The following RDM1 variants were observed in gnomAD, a reference collection of about 807,000 sequenced individuals.
RDM1 encodes RAD52 motif-containing protein 1.
RDM1 carries 28 observed loss-of-function variants against 27.7 expected under a neutral mutation model. The observed-to-expected ratio is 1.01, with a 90% confidence interval of 0.75 to 1.39. RDM1 has a LOEUF of 1.39. Among genes scored for constraint, RDM1 ranks in the 40% most tolerant of loss-of-function variants. The pLI, the probability that RDM1 is intolerant of heterozygous loss-of-function variation, is 0.00. For missense variants in RDM1, 277 were observed against 337.3 expected (o/e 0.82, Z 1.40); for synonymous variants, 124 against 127.5 (o/e 0.97, Z 0.19).
chr17:35,927,033 T>G (rs904391757), intron 2 of RDM1, among the ~76,000 whole-genome samples: 1 of 143,106 alleles, frequency 7.0e-6, no homozygotes, highest in Non-Finnish European at 1.5e-5. Context: ...CCAGGAAGCT[T>G]CAGAAAAACT....
rs2089295132 is a variant in RDM1 at position 35,930,671 on chromosome 17, C to T, written c.57G>A (p.Val19=). The change falls in exon 1 of 7, where the codon GTG becomes GTA. Residue 19 remains valine, a synonymous_variant. Coordinates refer to ENST00000620284, the MANE Select transcript of RDM1 (RefSeq NM_145654.4). ...VPIESDKTLL[V]WELSSGPTAE... ...CCGTGGGTCCGGAGCTCAGCTCCCA[C>T]ACTAGCAAGGTTTTGTCACTCTCGA... 6.2e-7 allele frequency: 1 copy of T among 1,613,966 alleles called. No homozygotes were observed. Among genetic ancestry groups the T allele is most frequent in the South Asian group, 1.1e-5 (1 of 91,086 alleles).
rs551943618 is a variant in RDM1 at position 35,929,529 on chromosome 17, C to A, written c.276+547G>T. Reference sequence around the variant, plus strand: ...CAATCTCGGGTCACTGCAGCCTCCACCTCCTGGGTTCAAGTAATTCCCATG... The same window carrying A: ...CAATCTCGGGTCACTGCAGCCTCCAACTCCTGGGTTCAAGTAATTCCCATG... On this transcript the variant is annotated intron_variant, in intron 2 of 6. Coordinates refer to ENST00000620284, the MANE Select transcript of RDM1 (RefSeq NM_145654.4). Among the ~76,000 whole-genome samples the A allele has an allele frequency of 7.2e-5, 11 of 152,278 alleles. No individual in the cohort carries two copies. In the East Asian group the frequency reaches 2.1e-3, roughly 29 times the overall value.
chr17:35,925,477 G>C, intron 3 of RDM1, 38 bp downstream of exon 3: 1 of 1,608,472 alleles, frequency 6.2e-7, no homozygotes, highest in South Asian at 1.1e-5. Context: ...ATGTTGAAAG[G>C]AGAGTGTGGT....
intron 5 of RDM1, among the ~76,000 whole-genome samples, chr17:35,920,574 C>T (rs1174331186): frequency 1.3e-5 from 2 of 151,662 alleles, no homozygotes; most frequent in Admixed American, 6.6e-5. Flanking sequence ...ATCCCCCTGG[C>T]TCACCCTCCA....
chr17:35,921,401 A>C (rs2088939279), intron 5 of RDM1, among the ~76,000 whole-genome samples: 1 of 152,358 alleles, frequency 6.6e-6, no homozygotes, highest in East Asian at 1.9e-4. Context: ...TCAGTCTCTA[A>C]GCCTTTAGGG....
At chr17:35,924,397 C>G (rs4796136) in intron 4 of RDM1, among the ~76,000 whole-genome samples, 2 of 151,880 alleles carry the variant, frequency 1.3e-5, no homozygotes. Context: ...GTCAGCTGTA[C>G]GATTTTAAAT....
At position 35,928,763 on chromosome 17, in the gene RDM1, TA is replaced by T. The variant is rs1184019323; in HGVS notation, c.276+1312del. ...GGCAACAAGAGCGAAACTCTGTCTTTAAAAAAAAAAAAAGTAAATATATAAT... is the reference window on the plus strand; with the variant it reads ...GGCAACAAGAGCGAAACTCTGTCTTTAAAAAAAAAAAAGTAAATATATAAT... On this transcript the variant is annotated intron_variant, in intron 2 of 6. Transcript: ENST00000620284. Among the ~76,000 whole-genome samples the T allele has an allele frequency of 2.6e-3, 338 of 129,140 alleles. 1 individual carries two copies. Among genetic ancestry groups the T allele is most frequent in the Admixed American group, 4.4e-3 (55 of 12,478 alleles). 84.7% of individuals were successfully genotyped at this position (129,140 alleles called of 152,430 possible).
intron 6 of RDM1, 70 bp from the exon 7 acceptor site, chr17:35,918,513 CG>C: frequency 3.8e-6 from 5 of 1,309,630 alleles, no homozygotes; most frequent in Non-Finnish European, 5.5e-6. Flanking sequence ...AAAATGTTGC[CG>C]TTTTTGCTAA....
At chr17:35,926,505 G>A (rs2141946427) in intron 2 of RDM1, among the ~76,000 whole-genome samples, 1 of 152,092 alleles carries the variant, frequency 6.6e-6, no homozygotes, top group African/African-American at 2.4e-5. Flanking sequence ...CCAGGTTCAC[G>A]CCATTCTCCT....
At chr17:35,930,334 CCT>C (rs1348717087) in intron 1 of RDM1, 79 bp from the exon 2 acceptor site, 2 of 1,568,064 alleles carry the variant, frequency 1.3e-6, no homozygotes, top group Middle Eastern at 1.7e-4. Context: ...ATTCCCCAAA[CCT>C]CTCTTCGCGA....
chr17:35,919,313 G>A (rs992762025), intron 6 of RDM1, among the ~76,000 whole-genome samples: 13 of 152,270 alleles, frequency 8.5e-5, no homozygotes, highest in African/African-American at 3.1e-4. Context: ...CCCTATTTAA[G>A]AGCTTTCATA....
rs1215188361 is a variant in RDM1 at position 35,930,622 on chromosome 17, C to T, written c.96+10G>A. The T allele has an allele frequency of 6.2e-7, 1 of 1,611,286 alleles. No individual in the cohort carries two copies. The highest frequency in any genetic ancestry group is 1.1e-5 in the South Asian group (1 of 90,924). ...TCTCCATCCCTCCCTCCATCCTGGC[C>T]CCGGCTCACATGCAAAGCCTCGGCC... On this transcript the variant is annotated intron_variant, in intron 1 of 6. Coordinates refer to ENST00000620284, the MANE Select transcript of RDM1 (RefSeq NM_145654.4).
rs1382005108 is a variant in RDM1 at position 35,918,311 on chromosome 17, A to G, written c.*31T>C. ...CACGACAGAGCTTCCCAAGGAAGTT[A>G]CATGACCTCGCCTTGGGATATTCAG... On this transcript the variant is annotated 3_prime_UTR_variant, in exon 7 of 7. Transcript: ENST00000620284. 14 of 1,582,864 alleles carry G rather than the reference A, an allele frequency of 8.8e-6. No individual in the cohort carries two copies. Among genetic ancestry groups the G allele is most frequent in the African/African-American group, 1.3e-5 (1 of 74,318 alleles).
At chr17:35,927,763 G>A in intron 2 of RDM1, among the ~76,000 whole-genome samples, 1 of 152,072 alleles carries the variant, frequency 6.6e-6, no homozygotes. Context: ...GCTTTATGCT[G>A]TGAAATTCTC....
At chr17:35,918,680 G>A (rs1044336034) in intron 6 of RDM1, among the ~76,000 whole-genome samples, 1 of 152,120 alleles carries the variant, frequency 6.6e-6, no homozygotes, top group Non-Finnish European at 1.5e-5. Context: ...ATCCTGCCTT[G>A]ACTTAACACA....
At chr17:35,930,603 TC>T in intron 1 of RDM1, 28 bp downstream of exon 1, 1 of 1,597,316 alleles carries the variant, frequency 6.3e-7, no homozygotes, top group Non-Finnish European at 8.5e-7. Context: ...GCTTTCTCCA[TC>T]CCTCCCTCCA....
chr17:35,926,203 A>G (rs1485624915), intron 2 of RDM1, among the ~76,000 whole-genome samples: 2 of 151,770 alleles, frequency 1.3e-5, no homozygotes, highest in Non-Finnish European at 2.9e-5. Flanking sequence ...GTATATCTGC[A>G]TTTACGTGCT....
chr17:35,925,407 C>A, intron 3 of RDM1, 108 bp downstream of exon 3: 2 of 1,182,522 alleles, frequency 1.7e-6, no homozygotes, highest in East Asian at 2.4e-5. Context: ...ATGGTAGAGG[C>A]CTCTCACATC....
rs1362347914 is a variant in RDM1 at position 35,918,433 on chromosome 17, G to A, written c.764C>T (p.Ser255Phe). ...ELHGLIQVPCSPWKQYGQEEE... is the reference protein window; with the variant it reads ...ELHGLIQVPCFPWKQYGQEEE... ...CTCTTGGCCATACTGCTTCCAGGGA[G>A]AGCAAGGGACCTGCAAAATGTGCGC... Residue 255 changes from serine (S) to phenylalanine (F), a missense_variant, in exon 7 of 7, where the codon TCT (serine) becomes TTT (phenylalanine). Coordinates refer to ENST00000620284, the MANE Select transcript of RDM1 (RefSeq NM_145654.4). 6.2e-7 allele frequency: 1 copy of A among 1,614,004 alleles called. No homozygotes were observed. The highest frequency in any genetic ancestry group is 8.5e-7 in the Non-Finnish European group (1 of 1,179,992).
Sources: allele counts gnomAD v4.1 joint callset (sites outside exome capture counted in the v4.1 genomes callset), GRCh38; gene constraint gnomAD v4.1.1; transcripts MANE v1.5; gene names NCBI Gene and HGNC (gene_info 2026-07-23, HGNC 2026-07-21).